Variants in ANKS1B observed in about 807,000 individuals in gnomAD.
ANKS1B encodes ankyrin repeat and sterile alpha motif domain-containing protein 1B.
ANKS1B carries 36 observed loss-of-function variants against 148.3 expected under a neutral mutation model. That is an observed-to-expected ratio of 0.24 (90% CI 0.19 to 0.32). ANKS1B has a LOEUF of 0.32. Ranked by LOEUF, ANKS1B falls within the 10% of genes least tolerant of loss-of-function variation. The probability of loss-of-function intolerance (pLI) is 1.00; values close to 1 mark genes in which losing one functional copy is unlikely to be tolerated. For synonymous variants in ANKS1B, 542 were observed against 560.8 expected (o/e 0.97, Z 0.47); for missense variants, 1,157 against 1,542.6 (o/e 0.75, Z 4.19).
At chr12:98,778,368 C>A (rs576461094) in intron 24 of ANKS1B, among the ~76,000 whole-genome samples, 4 of 152,052 alleles carry the variant, frequency 2.6e-5, no homozygotes, top group Admixed American at 6.6e-5. Flanking sequence ...CCCAGCTACT[C>A]GGGAGGCTGA....
chr12:99,713,376 A>T (rs1193466133), intron 8 of ANKS1B, among the ~76,000 whole-genome samples: 1 of 152,174 alleles, frequency 6.6e-6, no homozygotes, highest in Non-Finnish European at 1.5e-5. Context: ...ATAGACTGAG[A>T]ATTTCCTAAA....
At chr12:99,753,539 C>T (rs943468888) in intron 8 of ANKS1B, among the ~76,000 whole-genome samples, 2 of 152,062 alleles carry the variant, frequency 1.3e-5, no homozygotes, top group Non-Finnish European at 2.9e-5. Context: ...TGGCTGGTAA[C>T]AGTCTTTCCT....
chr12:98,885,997 G>A (rs558036029), intron 17 of ANKS1B, among the ~76,000 whole-genome samples: 22 of 152,222 alleles, frequency 1.4e-4, no homozygotes, highest in African/African-American at 5.1e-4. Context: ...TTCTAAGGGA[G>A]GGAGGCAGGA....
intron 17 of ANKS1B, among the ~76,000 whole-genome samples, chr12:99,000,268 C>CT (rs905457820): frequency 0.031 from 3,852 of 125,422 alleles, 94 homozygotes; most frequent in African/African-American, 0.038. Context: ...TTTCTTTTTC[C>CT]TTTTTTTTTT....
At chr12:99,073,759 T>C (rs1479479962) in intron 16 of ANKS1B, among the ~76,000 whole-genome samples, 1 of 152,200 alleles carries the variant, frequency 6.6e-6, no homozygotes, top group Non-Finnish European at 1.5e-5. Context: ...TTCTTGCTTT[T>C]AGTCAATTGG....
At chr12:99,384,403 A>G (rs1308837060) in intron 12 of ANKS1B, among the ~76,000 whole-genome samples, 4 of 152,192 alleles carry the variant, frequency 2.6e-5, no homozygotes, top group African/African-American at 9.7e-5. Flanking sequence ...AGCTGAGGAC[A>G]ACTAATGTGT....
chr12:98,949,160 G>T, intron 17 of ANKS1B, among the ~76,000 whole-genome samples: 1 of 151,668 alleles, frequency 6.6e-6, no homozygotes, highest in East Asian at 1.9e-4. Flanking sequence ...CACTGTGTTA[G>T]CCAGGACGGT....
intron 17 of ANKS1B, among the ~76,000 whole-genome samples, chr12:98,893,017 C>CTTCA (rs2099755886): frequency 6.6e-6 from 1 of 152,212 alleles, no homozygotes; most frequent in Non-Finnish European, 1.5e-5. Context: ...AGCACTGATA[C>CTTCA]TTCACTATTT....
chr12:99,167,011 G>A (rs1194211092), intron 14 of ANKS1B, among the ~76,000 whole-genome samples: 1 of 152,026 alleles, frequency 6.6e-6, no homozygotes, highest in Non-Finnish European at 1.5e-5. Flanking sequence ...GTTCTGTAAA[G>A]AAAGGAGAGA....
intron 8 of ANKS1B, among the ~76,000 whole-genome samples, chr12:99,756,804 T>C (rs2061612802): frequency 6.6e-6 from 1 of 151,784 alleles, no homozygotes; most frequent in Non-Finnish European, 1.5e-5. Flanking sequence ...CACCTACAAC[T>C]ATGTGATCTT....
intron 14 of ANKS1B, among the ~76,000 whole-genome samples, chr12:99,220,785 T>A (rs1199743034): frequency 6.6e-6 from 1 of 152,138 alleles, no homozygotes; most frequent in Non-Finnish European, 1.5e-5. Flanking sequence ...TGACAAGGAC[T>A]ATTAATTCAT....
intron 12 of ANKS1B, among the ~76,000 whole-genome samples, chr12:99,343,181 A>C (rs1195533614): frequency 6.6e-6 from 1 of 152,068 alleles, no homozygotes; most frequent in Middle Eastern, 3.2e-3. Context: ...TAAGTCTACC[A>C]ATAAAATGTG....
chr12:99,955,583 T>C (rs1406306462), intron 1 of ANKS1B, among the ~76,000 whole-genome samples: 1 of 143,504 alleles, frequency 7.0e-6, no homozygotes, highest in Non-Finnish European at 1.5e-5. Context: ...CTTCCTGCAG[T>C]CACCTAAGGG....
At chr12:99,012,340 T>C (rs12302847) in intron 17 of ANKS1B, among the ~76,000 whole-genome samples, 1 of 152,190 alleles carries the variant, frequency 6.6e-6, no homozygotes, top group African/African-American at 2.4e-5. Context: ...CTTCCTCCTC[T>C]GTGCTTTTCC....
intron 17 of ANKS1B, among the ~76,000 whole-genome samples, chr12:98,887,881 A>G (rs2099743684): frequency 6.6e-6 from 1 of 152,220 alleles, no homozygotes; most frequent in Non-Finnish European, 1.5e-5. Flanking sequence ...CCAAAGTGCT[A>G]GGATTACGGG....
intron 11 of ANKS1B, among the ~76,000 whole-genome samples, chr12:99,410,168 T>C (rs1030889599): frequency 1.6e-4 from 25 of 152,164 alleles, no homozygotes; most frequent in African/African-American, 5.3e-4. Flanking sequence ...CACATGAAAA[T>C]TGTATGAAAC....
rs571508083 is a variant in ANKS1B, at chr12:99,102,519, A to G, written c.2527-17496T>C. ...AGCTTTTTGGGAGGCTAAGATAGGC[A>G]GATTGCTTGAGCCCATGAGTTCGAG... On this transcript the variant is annotated intron_variant, in intron 15 of 26. Transcript: ENST00000683438. Among the ~76,000 whole-genome samples, 228 of 152,256 alleles carry G rather than the reference A, an allele frequency of 1.5e-3. 1 individual carries two copies. The highest frequency in any genetic ancestry group is 5.3e-3 in the African/African-American group (222 of 41,558).
chr12:99,293,009 C>A (rs554525441), intron 12 of ANKS1B, among the ~76,000 whole-genome samples: 6 of 152,210 alleles, frequency 3.9e-5, no homozygotes, highest in Non-Finnish European at 8.8e-5. Context: ...GGATATATAC[C>A]CAAAGGATTA....
chr12:99,760,819 G>A (rs1304302033), intron 8 of ANKS1B, among the ~76,000 whole-genome samples: 1 of 150,736 alleles, frequency 6.6e-6, no homozygotes, highest in Non-Finnish European at 1.5e-5. Flanking sequence ...AGAAAGAAGA[G>A]ACAATATCCA....
Sources: allele counts gnomAD v4.1 joint callset (sites outside exome capture counted in the v4.1 genomes callset), GRCh38; gene constraint gnomAD v4.1.1; transcripts MANE v1.5; gene names NCBI Gene and HGNC (gene_info 2026-07-23, HGNC 2026-07-21).